The following FAM120B variants were observed in gnomAD, a reference collection of about 807,000 sequenced individuals.
The protein encoded by FAM120B is family with sequence similarity 120 member B.
Under a neutral mutation model 96.3 loss-of-function variants are expected in FAM120B, and 83 were observed. The observed-to-expected ratio is 0.86, with a 90% CI of 0.72 to 1.03. FAM120B has a LOEUF of 1.03. Ranked by LOEUF, FAM120B falls within the 50% of genes least tolerant of loss-of-function variation. FAM120B has a pLI of 0.00. For synonymous variants in FAM120B, 407 were observed against 402.7 expected (o/e 1.01, Z -0.13); for missense variants, 1,027 against 1,121.2 (o/e 0.92, Z 1.20).
upstream of FAM120B, among the ~76,000 whole-genome samples, chr6:170,293,533 G>A (rs938601933): frequency 2.8e-4 from 42 of 152,110 alleles, no homozygotes; most frequent in Admixed American, 1.4e-3. Flanking sequence ...GAAAGGCATC[G>A]TAAAATCCAT....
At chr6:170,367,555 C>T (rs1464020910) in intron 6 of FAM120B, among the ~76,000 whole-genome samples, 4 of 152,180 alleles carry the variant, frequency 2.6e-5, no homozygotes. Flanking sequence ...GCGTGCTGAC[C>T]CTTGGCTGGA....
At chr6:170,293,636 T>C (rs1783932973), upstream of FAM120B, among the ~76,000 whole-genome samples, 1 of 152,082 alleles carries the variant, frequency 6.6e-6, no homozygotes, top group African/African-American at 2.4e-5. Context: ...CCTTTTCTTC[T>C]TCTCCCTCTC....
chr6:170,402,868 C>T (rs1445603682), intron 9 of FAM120B, among the ~76,000 whole-genome samples: 1 of 152,212 alleles, frequency 6.6e-6, no homozygotes, highest in Admixed American at 6.5e-5. Context: ...AACACCACTT[C>T]AAGGCTGTGC....
At position 170,348,500 on chromosome 6, in the gene FAM120B, A is replaced by T. The variant is rs1300060170; in HGVS notation, c.2190+177A>T. On this transcript the variant is annotated intron_variant, in intron 5 of 10. Transcript: ENST00000476287. Reference sequence around the variant, plus strand: ...TAAAAAGAAGATTGTATGGCAAAATACGTACAAGAAACTCTGTCACTACCT... The same window carrying T: ...TAAAAAGAAGATTGTATGGCAAAATTCGTACAAGAAACTCTGTCACTACCT... Among the ~76,000 whole-genome samples the T allele has an allele frequency of 3.3e-5, 5 of 152,322 alleles. No individual in the cohort carries two copies. The East Asian group carries it at 9.6e-4, about 29-fold the overall frequency.
intron 5 of FAM120B, among the ~76,000 whole-genome samples, chr6:170,352,472 T>A (rs1258772082): frequency 6.6e-6 from 1 of 152,218 alleles, no homozygotes; most frequent in Non-Finnish European, 1.5e-5. Context: ...CAACATAATA[T>A]ACATTCTTCT....
intron 9 of FAM120B, among the ~76,000 whole-genome samples, chr6:170,397,309 C>G (rs918466302): frequency 1.3e-5 from 2 of 152,170 alleles, no homozygotes; most frequent in Non-Finnish European, 2.9e-5. Context: ...CTCCATCCCT[C>G]CCTCACTCTC....
chr6:170,366,047 G>C (rs1253626377), intron 6 of FAM120B, among the ~76,000 whole-genome samples: 1 of 152,140 alleles, frequency 6.6e-6, no homozygotes, highest in African/African-American at 2.4e-5. Context: ...TGGAGCCTAA[G>C]TCTTGTACGA....
At chr6:170,388,141 C>A in intron 6 of FAM120B, 146 bp from the exon 7 acceptor site, 1 of 692,262 alleles carries the variant, frequency 1.4e-6, no homozygotes, top group African/African-American at 1.8e-5. Flanking sequence ...TGGTGAAGCT[C>A]AGCTTTGAGG....
At chr6:170,291,080 A>G (rs1459530117), upstream of FAM120B, 1 of 700,804 alleles carries the variant, frequency 1.4e-6, no homozygotes. Flanking sequence ...ATGGTCAGTG[A>G]GCTGTAAAAT....
Position 170,330,580 on chromosome 6 carries a change from C to G in FAM120B, c.2017+30C>G, listed in dbSNP as rs1785951436. 2.7e-6 allele frequency: 4 copies of G among 1,479,814 alleles called. No individual in the cohort carries two copies. In the East Asian group the frequency reaches 9.0e-5, roughly 33 times the overall value. 91.7% of individuals were successfully genotyped at this position (1,479,814 alleles called of 1,614,324 possible). ...AGGCAGCCTTTCTTTAAATGAACCA[C>G]AGATCTTTCCATTCTATGATAAAAG... On this transcript the variant is annotated intron_variant, in intron 4 of 10. Coordinates refer to ENST00000476287, the MANE Select transcript of FAM120B (RefSeq NM_032448.3).
At chr6:170,355,181 G>A (rs1261116066) in intron 5 of FAM120B, among the ~76,000 whole-genome samples, 1 of 152,118 alleles carries the variant, frequency 6.6e-6, no homozygotes, top group Non-Finnish European at 1.5e-5. Flanking sequence ...GAGACCTAGA[G>A]GAGAAATACT....
intron 5 of FAM120B, among the ~76,000 whole-genome samples, chr6:170,352,374 CAG>C (rs1437459859): frequency 6.6e-6 from 1 of 152,172 alleles, no homozygotes; most frequent in African/African-American, 2.4e-5. Flanking sequence ...ATCATCAAGA[CAG>C]AAAATTAATA....
intron 3 of FAM120B, among the ~76,000 whole-genome samples, chr6:170,324,455 GTTTC>G: frequency 6.6e-6 from 1 of 152,262 alleles, no homozygotes; most frequent in South Asian, 2.1e-4. Context: ...TAAAATTTCT[GTTTC>G]TTATGTGCTC....
chr6:170,315,682 A>G (rs7760925), intron 1 of FAM120B, among the ~76,000 whole-genome samples: 19,660 of 152,140 alleles, frequency 0.13, 1,440 homozygotes, highest in East Asian at 0.31. Flanking sequence ...ATTTATGTTC[A>G]CCCAATTTTT....
At chr6:170,291,557 T>C (rs1037663819), upstream of FAM120B, among the ~76,000 whole-genome samples, 1 of 151,514 alleles carries the variant, frequency 6.6e-6, no homozygotes, top group Non-Finnish European at 1.5e-5. Context: ...TCGGGGAGCA[T>C]CGTAGGAAAG....
At chr6:170,366,839 T>G (rs563098465) in intron 6 of FAM120B, among the ~76,000 whole-genome samples, 7 of 152,276 alleles carry the variant, frequency 4.6e-5, no homozygotes, top group African/African-American at 1.7e-4. Flanking sequence ...TGGCCTCAGG[T>G]CAGGACACAC....
At chr6:170,321,252 G>A (rs1310964985) in intron 2 of FAM120B, among the ~76,000 whole-genome samples, 4 of 152,132 alleles carry the variant, frequency 2.6e-5, no homozygotes, top group Non-Finnish European at 5.9e-5. Flanking sequence ...AAATTCAAAC[G>A]TGTATTTTAA....
Position 170,317,452 on chromosome 6 carries a change from T to C in FAM120B, c.62T>C (p.Val21Ala), listed in dbSNP as rs769648574. 6.8e-6 allele frequency: 11 copies of C among 1,614,188 alleles called. No individual in the cohort carries two copies. In the East Asian group the frequency reaches 1.1e-4, roughly 16 times the overall value. ...GSTCPHICTV[V>A]NFKELAEHHR... is the part of the protein sequence containing the mutation. The stretch of plus-strand genomic sequence containing the variant: ...ACCTGCCCACATATATGTACAGTAG[T>C]AAATTTCAAAGAACTGGCAGAGCAC... Residue 21 changes from valine (V) to alanine (A), a missense_variant, in exon 2 of 11, where the codon GTA becomes GCA. Around this residue, in one of 3 missense-constraint regions of FAM120B, gnomAD observed 880 missense variants for 980.9 expected, o/e 0.90. Coordinates refer to ENST00000476287, the MANE Select transcript of FAM120B (RefSeq NM_032448.3).
In FAM120B at chr6:170,339,567, T is replaced by C. The variant is rs113742607; in HGVS notation, c.2018-8584T>C. Reference sequence around the variant, plus strand: ...ACTTTGGGAGGCCGGATCATGAAGTTGGGAGATTGAGACCATCCTGGCTAA... The same window carrying C: ...ACTTTGGGAGGCCGGATCATGAAGTCGGGAGATTGAGACCATCCTGGCTAA... On this transcript the variant is annotated intron_variant, in intron 4 of 10. Coordinates refer to ENST00000476287, the MANE Select transcript of FAM120B (RefSeq NM_032448.3). 0.01 allele frequency among the ~76,000 whole-genome samples: 1,561 copies of C among 151,990 alleles called. 65 individuals are homozygous for C. In the East Asian group the frequency reaches 0.1, roughly 10 times the overall value.
Sources: gnomAD v4.1 joint callset for allele counts (sites outside exome capture counted in the v4.1 genomes callset) on GRCh38, gnomAD v4.1.1 for gene constraint, gnomAD v4.1.1 regional missense constraint, MANE v1.5 for transcripts, NCBI Gene and HGNC (gene_info 2026-07-23, HGNC 2026-07-21) for gene names.